SYT7: variants seen among roughly 807,000 people sequenced by gnomAD.
SYT7 encodes the protein synaptotagmin-7.
SYT7 carries 29 observed loss-of-function variants against 75.1 expected under a neutral mutation model. That is an observed-to-expected ratio of 0.39 (90% confidence interval 0.29 to 0.53). The LOEUF (loss-of-function observed/expected upper bound fraction) is 0.53. Among genes scored for constraint, SYT7 ranks in the 20% least tolerant of loss-of-function variants. The pLI, the probability that SYT7 is intolerant of heterozygous loss-of-function variation, is 0.77. For synonymous variants in SYT7, 376 were observed against 401.7 expected (o/e 0.94, Z 0.76); for missense variants, 693 against 953.2 (o/e 0.73, Z 3.59).
chr11:61,552,361 T>C (rs938135189), intron 2 of SYT7, among the ~76,000 whole-genome samples: 2 of 151,980 alleles, frequency 1.3e-5, no homozygotes, highest in Admixed American at 6.5e-5. Context: ...AGGGCTGATA[T>C]GGGCAGTCGG....
At position 61,513,948 on chromosome 11, in the gene SYT7, G is replaced by A. The variant is rs1365545362; in HGVS notation, c.*4679C>T. ...CCTTCTGGTTGTCTTTGCGTGGGAGGGAGAGGAGCGCAGGACGTAACCCAG... is the reference window on the plus strand; with the variant it reads ...CCTTCTGGTTGTCTTTGCGTGGGAGAGAGAGGAGCGCAGGACGTAACCCAG... On this transcript the variant is annotated 3_prime_UTR_variant, in exon 13 of 13. Transcript: ENST00000539008. 6.6e-6 allele frequency among the ~76,000 whole-genome samples: 1 copy of A among 152,128 alleles called. No individual in the cohort carries two copies. The highest frequency in any genetic ancestry group is 2.4e-5 in the African/African-American group (1 of 41,402).
rs562424970 is a variant in SYT7, at chr11:61,542,363, G to A, written c.789C>T (p.Asn263=). The change falls in exon 6 of 13, where the codon AAC becomes AAT. Residue 263 remains asparagine (N), a synonymous_variant. Transcript: ENST00000539008. The surrounding 1 kb of genome is among the most constrained non-coding windows in gnomAD (Gnocchi z 7.8). ...QAHMASAPGP[N]PRAYGRGQAR... Reference sequence around the variant, plus strand: ...CCTGGCCCCGGCCATAGGCCCGGGGGTTGGGGCCTGGTGCCGAGGCCATGT... The same window carrying A: ...CCTGGCCCCGGCCATAGGCCCGGGGATTGGGGCCTGGTGCCGAGGCCATGT... The A allele has an allele frequency of 2.0e-6, 3 of 1,530,598 alleles. No individual in the cohort carries two copies. The highest frequency in any genetic ancestry group is 2.5e-5 in the East Asian group (1 of 40,682). The allele number at this position is 1,530,598 out of a possible 1,614,324, so 94.8% of individuals were successfully genotyped here. A position where few individuals can be genotyped will look rare whatever the true frequency, so the allele number is the denominator to read the frequency against.
Position 61,546,324 on chromosome 11 carries a change from C to A in SYT7, c.348-69G>T. On this transcript the variant is annotated intron_variant, in intron 4 of 12. Transcript: ENST00000539008. This position sits in a 1 kb window ranked among gnomAD's most constrained non-coding sequence, Gnocchi z 7.6. ...GTGGCGGTGGGGGAGAGAGGGCAGG[C>A]CATACGTGGGGGTCGGGGGGTGGAA... The A allele has an allele frequency of 8.9e-7, 1 of 1,123,968 alleles. No homozygotes were observed. The highest frequency in any genetic ancestry group is 1.2e-6 in the Non-Finnish European group (1 of 831,686). The allele number at this position is 1,123,968 out of a possible 1,614,324, so 69.6% of individuals were successfully genotyped here.
chr11:61,533,967 G>A (rs2062788222), intron 7 of SYT7, among the ~76,000 whole-genome samples: 1 of 152,120 alleles, frequency 6.6e-6, no homozygotes, highest in South Asian at 2.1e-4. Flanking sequence ...AGCCCTGTCT[G>A]TACCTGACTC....
intron 1 of SYT7, among the ~76,000 whole-genome samples, chr11:61,573,170 C>A (rs1451998476): frequency 6.6e-6 from 1 of 152,218 alleles, no homozygotes; most frequent in Non-Finnish European, 1.5e-5. Context: ...TGTGGCCCCT[C>A]CTGGGCCTGG....
In SYT7 at chr11:61,518,147, C is replaced by T. The variant is rs921057803; in HGVS notation, c.*480G>A. The T allele has an allele frequency of 6.9e-5, 11 of 158,996 alleles. No homozygotes were observed. Among genetic ancestry groups the T allele is most frequent in the South Asian group, 2.0e-4 (1 of 4,964 alleles). The allele number at this position is 158,996 out of a possible 1,614,324, so 9.8% of individuals were successfully genotyped here. A position where few individuals can be genotyped will look rare whatever the true frequency, so the allele number is the denominator to read the frequency against. ...CTATCCTCGACATTCAGGGCCCAGC[C>T]GGCACCTGAAACTGCCCTGGGGATG... On this transcript the variant is annotated 3_prime_UTR_variant, in exon 13 of 13. Transcript: ENST00000539008.
rs2064231830 is a variant in SYT7 at position 61,580,607 on chromosome 11, G to C, written c.31+183C>G. Among the ~76,000 whole-genome samples the C allele has an allele frequency of 6.6e-6, 1 of 152,090 alleles. No homozygotes were observed. Among genetic ancestry groups the C allele is most frequent in the Non-Finnish European group, 1.5e-5 (1 of 67,930 alleles). ...CAGCCTGGCAGTGTCCAGACTGCGG[G>C]GGACCGGGGTCCGAGCCGCTGCCGC... On this transcript the variant is annotated intron_variant, in intron 1 of 12. Transcript: ENST00000539008. This position sits in a 1 kb window ranked among gnomAD's most constrained non-coding sequence, Gnocchi z 6.1.
At chr11:61,536,115 C>CAGG (rs1337563338) in intron 7 of SYT7, among the ~76,000 whole-genome samples, 2 of 152,064 alleles carry the variant, frequency 1.3e-5, no homozygotes, top group Non-Finnish European at 2.9e-5. Context: ...GAAATGTTTC[C>CAGG]AGGATGGGTG....
intron 7 of SYT7, chr11:61,533,562 T>C: frequency 1.0e-6 from 1 of 985,386 alleles, no homozygotes; most frequent in South Asian, 4.7e-5. Flanking sequence ...GTCATTACCC[T>C]CTGCAAACAC....
rs1183271930 is a variant in SYT7 at position 61,523,154 on chromosome 11, G to A, written c.1877C>T (p.Thr626Met). 8 of 1,614,184 alleles carry A rather than the reference G, an allele frequency of 5.0e-6. No individual in the cohort carries two copies. Among genetic ancestry groups the A allele is most frequent in the Non-Finnish European group, 6.8e-6 (8 of 1,180,026 alleles). The change falls in exon 12 of 13, where the codon ACG (threonine) becomes ATG (methionine). Residue 626 changes from threonine to methionine, a missense_variant. Around this residue, in one of 2 missense-constraint regions of SYT7, gnomAD observed 206 missense variants for 360.0 expected, o/e 0.57. Transcript: ENST00000539008. The surrounding 1 kb of genome is among the most constrained non-coding windows in gnomAD (Gnocchi z 5.0). ...GATGGTCGTCTCCCTCAGCTTCTCC[G>A]TGGGGATATCGAAGGCGAAGGACTC... Reference protein sequence around the residue: ...FNESFAFDIPTEKLRETTIII... With the variant: ...FNESFAFDIPMEKLRETTIII...
intron 1 of SYT7, among the ~76,000 whole-genome samples, chr11:61,577,299 C>G (rs535258800): frequency 6.6e-6 from 1 of 152,232 alleles, no homozygotes; most frequent in Non-Finnish European, 1.5e-5. Context: ...GGAGATCATT[C>G]GATCTTCAGT....
At chr11:61,544,036 C>A (rs1590883579) in intron 5 of SYT7, among the ~76,000 whole-genome samples, 1 of 152,184 alleles carries the variant, frequency 6.6e-6, no homozygotes, top group Non-Finnish European at 1.5e-5. Context: ...TTATTGGAAC[C>A]AAGCCATTGG....
At chr11:61,578,691 T>C (rs1017727354) in intron 1 of SYT7, among the ~76,000 whole-genome samples, 3 of 152,076 alleles carry the variant, frequency 2.0e-5, no homozygotes, top group Middle Eastern at 6.8e-3. Flanking sequence ...GAATGAGATC[T>C]TTGACTCCTC....
At chr11:61,545,975 C>G (rs1290309769) in intron 5 of SYT7, 56 bp downstream of exon 5, 63 of 1,490,334 alleles carry the variant, frequency 4.2e-5, no homozygotes, top group Non-Finnish European at 5.6e-5. Flanking sequence ...GCTGTCCACC[C>G]TGGCAGGGCA....
chr11:61,563,024 A>G (rs1369347686), intron 1 of SYT7, among the ~76,000 whole-genome samples: 1 of 152,114 alleles, frequency 6.6e-6, no homozygotes, highest in Non-Finnish European at 1.5e-5. Flanking sequence ...ACATGCACAC[A>G]GGCCACAGAC....
In SYT7 at chr11:61,514,636, G is replaced by C. The variant is rs2062110686; in HGVS notation, c.*3991C>G. On this transcript the variant is annotated 3_prime_UTR_variant, in exon 13 of 13. Coordinates refer to ENST00000539008, the MANE Select transcript of SYT7 (RefSeq NM_001365809.2). ...AGGGCAGGGGATGGGGATGGTTATT[G>C]CTTTGTTGTGGCCAGAAGAAACAGG... is the stretch of plus-strand genomic sequence containing the variant. Among the ~76,000 whole-genome samples, 1 of 152,196 alleles carries C rather than the reference G, an allele frequency of 6.6e-6. No individual in the cohort carries two copies.
At chr11:61,558,431 T>C (rs1427537600) in intron 1 of SYT7, among the ~76,000 whole-genome samples, 1 of 151,348 alleles carries the variant, frequency 6.6e-6, no homozygotes, top group Non-Finnish European at 1.5e-5. Context: ...GATTGCACCA[T>C]AGCACTCTAG....
At chr11:61,565,846 T>C (rs913966584) in intron 1 of SYT7, among the ~76,000 whole-genome samples, 2 of 152,268 alleles carry the variant, frequency 1.3e-5, no homozygotes, top group African/African-American at 4.8e-5. Flanking sequence ...GCAAGCTTCC[T>C]CAACCTTGAC....
chr11:61,522,942 G>T, intron 12 of SYT7, 133 bp downstream of exon 12: 1 of 869,846 alleles, frequency 1.1e-6, no homozygotes, highest in Non-Finnish European at 1.8e-6. Flanking sequence ...ACAGAGGCCT[G>T]AGAGGAGAGG....
Sources: allele counts gnomAD v4.1 joint callset (sites outside exome capture counted in the v4.1 genomes callset), GRCh38; gene constraint gnomAD v4.1.1; regional missense constraint gnomAD v4.1.1; non-coding constraint Gnocchi (gnomAD v3.1); transcripts MANE v1.5; gene names NCBI Gene and HGNC (gene_info 2026-07-23, HGNC 2026-07-21).